PCNX3: variants seen among roughly 807,000 people sequenced by gnomAD.
PCNX3 encodes pecanex 3.
Under a neutral mutation model 207.2 loss-of-function variants are expected in PCNX3, and 58 were observed. That is an observed-to-expected ratio of 0.28 (90% CI 0.23 to 0.35). PCNX3 has a LOEUF of 0.35. Ranked by LOEUF, PCNX3 falls within the 10% of genes least tolerant of loss-of-function variation. PCNX3 has a pLI of 1.00. For synonymous variants in PCNX3, 1,337 were observed against 1,183.5 expected (o/e 1.13, Z -2.66); for missense variants, 2,410 against 2,774.4 (o/e 0.87, Z 2.95).
chr11:65,623,885 G>A lies in PCNX3; in HGVS notation c.2512-44G>A, dbSNP rs144371152. The A allele has an allele frequency of 1.3e-4, 213 of 1,611,984 alleles. No homozygotes were observed. The African/African-American group carries it at 2.5e-3, about 19-fold the overall frequency. On this transcript the variant is annotated intron_variant, in intron 12 of 34. Transcript: ENST00000355703. Reference sequence around the variant, plus strand: ...CAGGTCTGGGGCCTCTGACCATCCCGTGGGCATCGGCTCTAGTTGCCAACG... The same window carrying A: ...CAGGTCTGGGGCCTCTGACCATCCCATGGGCATCGGCTCTAGTTGCCAACG...
chr11:65,619,156 G>C (rs1353514529), intron 6 of PCNX3, 89 bp downstream of exon 6: 11 of 1,088,710 alleles, frequency 1.0e-5, no homozygotes, highest in Non-Finnish European at 1.4e-5. Context: ...GACCTGGTCA[G>C]TGTCAGCTCA....
chr11:65,622,506 C>T (rs1264282260), intron 11 of PCNX3, 140 bp downstream of exon 11: 8 of 1,123,846 alleles, frequency 7.1e-6, no homozygotes, highest in African/African-American at 4.7e-5. Flanking sequence ...TGGCTGGAGT[C>T]TGCAGTGGTG....
Position 65,635,051 on chromosome 11 carries a change from C to T in PCNX3, c.4884C>T (p.Val1628=). The change falls in exon 30 of 35, where the codon GTC becomes GTT. Residue 1628 remains valine, a synonymous_variant. Transcript: ENST00000355703. The surrounding 1 kb of genome is among the most constrained non-coding windows in gnomAD (Gnocchi z 9.9). ...TCACCTCCCCACGTGACGAGTGGGT[C>T]TTTGCCGACATGGACCTGCTTCACC... The part of the protein sequence containing the change: ...FRITSPRDEW[V]FADMDLLHRV... 1 of 1,613,908 alleles carries T rather than the reference C, an allele frequency of 6.2e-7. No homozygotes were observed. Among genetic ancestry groups the T allele is most frequent in the Non-Finnish European group, 8.5e-7 (1 of 1,179,858 alleles).
In PCNX3 at chr11:65,619,061, G is replaced by C. The variant is rs1056323965; in HGVS notation, c.1699G>C (p.Gly567Arg). Reference sequence around the variant, plus strand: ...GGAGCTGCAGGAGGAAGGTGCTGTGGGGGGAGGTGAGTGCTTGCTCTAGAG... The same window carrying C: ...GGAGCTGCAGGAGGAAGGTGCTGTGCGGGGAGGTGAGTGCTTGCTCTAGAG... ...RGELQEEGAV[G>R]GAAEETGRRD... The change falls in exon 6 of 35, where the codon GGG becomes CGG. Residue 567 changes from glycine (G) to arginine (R), a missense_variant. By Grantham distance (125) the Gly-to-Arg change is moderately radical. This residue lies in a region of PCNX3 where 1,104 missense variants were observed against 970.3 expected (regional missense o/e 1.14). Coordinates refer to ENST00000355703, the MANE Select transcript of PCNX3 (RefSeq NM_032223.4). The C allele has an allele frequency of 4.4e-6, 7 of 1,588,718 alleles. No homozygotes were observed. The highest frequency in any genetic ancestry group is 2.7e-5 in the African/African-American group (2 of 74,756).
At chr11:65,626,227 C>T (rs1205704614) in intron 20 of PCNX3, 173 bp downstream of exon 20, 4 of 932,736 alleles carry the variant, frequency 4.3e-6, no homozygotes, top group Non-Finnish European at 6.7e-6. Context: ...CTGCGCTCTC[C>T]ACCGACTCTT....
Position 65,635,174 on chromosome 11 carries a change from C to A in PCNX3, c.4954-44C>A. On this transcript the variant is annotated intron_variant, in intron 30 of 34. Coordinates refer to ENST00000355703, the MANE Select transcript of PCNX3 (RefSeq NM_032223.4). This position sits in a 1 kb window ranked among gnomAD's most constrained non-coding sequence, Gnocchi z 9.9. Reference sequence around the variant, plus strand: ...GGCAGGTGGGGGATGAAGCCTCTCTCCAGGGCAGGGGCCACTGACCCCTGT... The same window carrying A: ...GGCAGGTGGGGGATGAAGCCTCTCTACAGGGCAGGGGCCACTGACCCCTGT... The A allele has an allele frequency of 6.2e-7, 1 of 1,603,542 alleles. No homozygotes were observed. The highest frequency in any genetic ancestry group is 1.1e-5 in the South Asian group (1 of 89,996).
intron 21 of PCNX3, 116 bp downstream of exon 21, chr11:65,627,164 C>T: frequency 7.3e-7 from 1 of 1,369,762 alleles, no homozygotes; most frequent in Non-Finnish European, 9.7e-7. Flanking sequence ...CAAGCTAAAG[C>T]AGGACCCCAG....
chr11:65,629,411 C>T lies in PCNX3; in HGVS notation c.3996C>T (p.Asn1332=). ...GCCTGGTCACACAGCTGGACAGGAA[C>T]CCTGGTGTGTACCCAGCCATCCAAG... ...NTRLVTQLDR[N]PGADDNNLNS... is the part of the protein sequence containing the mutation. The change falls in exon 25 of 35, where the codon AAC becomes AAT. Residue 1332 remains asparagine (N), a synonymous_variant. Transcript: ENST00000355703. 2.5e-6 allele frequency: 4 copies of T among 1,612,200 alleles called. No homozygotes were observed. Among genetic ancestry groups the T allele is most frequent in the Non-Finnish European group, 3.4e-6 (4 of 1,179,096 alleles).
chr11:65,621,845 G>A (rs1339419152), intron 10 of PCNX3, among the ~76,000 whole-genome samples: 1 of 152,242 alleles, frequency 6.6e-6, no homozygotes, highest in Non-Finnish European at 1.5e-5. Context: ...CGCTCGGATG[G>A]GGTAGTCAGA....
chr11:65,617,383 T>A, intron 3 of PCNX3, 34 bp downstream of exon 3: 2 of 1,613,104 alleles, frequency 1.2e-6, no homozygotes, highest in Non-Finnish European at 8.5e-7. Context: ...TGTCCTCCTG[T>A]CCCTCTGCGA....
intron 6 of PCNX3, 67 bp downstream of exon 6, chr11:65,619,134 C>T: frequency 7.5e-7 from 1 of 1,325,596 alleles, no homozygotes; most frequent in Non-Finnish European, 1.0e-6. Context: ...GGGCAAAGGG[C>T]AGGTAAGAAT....
intron 5 of PCNX3, 42 bp downstream of exon 5, chr11:65,617,748 G>C: frequency 3.2e-6 from 5 of 1,544,458 alleles, no homozygotes; most frequent in Non-Finnish European, 4.4e-6. Context: ...GGCTAGACCA[G>C]CTGTTTCGTT....
intron 20 of PCNX3, 70 bp from the exon 21 acceptor site, chr11:65,626,834 T>A (rs747924987): frequency 6.5e-7 from 1 of 1,549,188 alleles, no homozygotes; most frequent in South Asian, 1.2e-5. Flanking sequence ...CCTGCCCTCC[T>A]AGGGAAGGAC....
intron 27 of PCNX3, 75 bp downstream of exon 27, chr11:65,630,679 C>T (rs111364414): frequency 9.1e-6 from 14 of 1,535,640 alleles, no homozygotes; most frequent in African/African-American, 4.1e-5. Context: ...CCCAGTACCC[C>T]CTTTCTGGGT....
intron 22 of PCNX3, 58 bp from the exon 23 acceptor site, chr11:65,628,537 G>A (rs1253562301): frequency 5.9e-6 from 9 of 1,518,682 alleles, no homozygotes; most frequent in East Asian, 2.3e-5. Context: ...CCTGGCATCC[G>A]GGGGCTTCCA....
chr11:65,620,992 T>A (rs1374462047), intron 10 of PCNX3, 26 bp downstream of exon 10: 1 of 1,513,388 alleles, frequency 6.6e-7, no homozygotes. Context: ...GGAAGGGCCG[T>A]GCCAGTGGGG....
rs1240620237 is a variant in PCNX3, at chr11:65,635,501, C to A, written c.5185-28C>A. The A allele has an allele frequency of 6.2e-7, 1 of 1,606,644 alleles. No homozygotes were observed. Among genetic ancestry groups the A allele is most frequent in the Non-Finnish European group, 8.5e-7 (1 of 1,177,732 alleles). Reference sequence around the variant, plus strand: ...CCTGCCCCAAACCCCCTTGGGCCGGCCCCCTGACCCTGGCGTGTGGCTCTC... The same window carrying A: ...CCTGCCCCAAACCCCCTTGGGCCGGACCCCTGACCCTGGCGTGTGGCTCTC... On this transcript the variant is annotated intron_variant, in intron 31 of 34. Coordinates refer to ENST00000355703, the MANE Select transcript of PCNX3 (RefSeq NM_032223.4). The surrounding 1 kb of genome is among the most constrained non-coding windows in gnomAD (Gnocchi z 9.9).
At position 65,626,312 on chromosome 11, in the gene PCNX3, C is replaced by G. The variant is rs758724396; in HGVS notation, c.3379+258C>G. On this transcript the variant is annotated intron_variant, in intron 20 of 34. Coordinates refer to ENST00000355703, the MANE Select transcript of PCNX3 (RefSeq NM_032223.4). ...GCCCTCCTTCCTGTCTGTGAGAAGA[C>G]GGAAGAATTAGAACCCCAGGGCCCT... is the stretch of plus-strand genomic sequence containing the variant. 4 of 655,060 alleles carry G rather than the reference C, an allele frequency of 6.1e-6. No individual in the cohort carries two copies. In the Admixed American group the frequency reaches 8.3e-5, roughly 14 times the overall value. The allele number at this position is 655,060 out of a possible 1,614,324, so 40.6% of individuals were successfully genotyped here.
chr11:65,616,987 C>T lies in PCNX3; in HGVS notation c.317C>T (p.Ala106Val). 1 of 1,611,486 alleles carries T rather than the reference C, an allele frequency of 6.2e-7. No individual in the cohort carries two copies. Among genetic ancestry groups the T allele is most frequent in the Non-Finnish European group, 8.5e-7 (1 of 1,179,236 alleles). The change falls in exon 2 of 35, where the codon GCC becomes GTC. Residue 106 changes from alanine to valine, a missense_variant. Physicochemically the swap from Ala to Val is moderately conservative, Grantham distance 64. This residue lies in a region of PCNX3 where 1,104 missense variants were observed against 970.3 expected (regional missense o/e 1.14). Coordinates refer to ENST00000355703, the MANE Select transcript of PCNX3 (RefSeq NM_032223.4). Reference protein sequence around the residue: ...STMGELEEEPAQGDSNPPRDP... With the variant: ...STMGELEEEPVQGDSNPPRDP... The stretch of plus-strand genomic sequence containing the variant: ...ATGGGGGAGCTGGAGGAAGAGCCTG[C>T]CCAGGGGGACAGCAATCCACCCAGG...
Sources: allele counts gnomAD v4.1 joint callset (sites outside exome capture counted in the v4.1 genomes callset), GRCh38; gene constraint gnomAD v4.1.1; regional missense constraint gnomAD v4.1.1; non-coding constraint Gnocchi (gnomAD v3.1); transcripts MANE v1.5; gene names NCBI Gene and HGNC (gene_info 2026-07-23, HGNC 2026-07-21).